The following NSMAF variants were observed in gnomAD, a reference collection of about 807,000 sequenced individuals.
NSMAF encodes neutral sphingomyelinase activation associated factor.
Under a neutral mutation model 134.9 loss-of-function variants are expected in NSMAF, and 90 were observed. The ratio of observed to expected loss-of-function variants is 0.67; its 90% confidence interval spans 0.56 to 0.79. NSMAF has a LOEUF of 0.79. NSMAF is among the 30% of genes least tolerant of loss of function. The pLI, the probability that NSMAF is intolerant of heterozygous loss-of-function variation, is 0.00. For synonymous variants in NSMAF, 358 were observed against 389.6 expected, an observed-to-expected ratio of 0.92 and a Z score of 0.96; for missense variants, 1,010 against 1,119.0, an observed-to-expected ratio of 0.90 and a Z score of 1.39.
intron 23 of NSMAF, among the ~76,000 whole-genome samples, chr8:58,593,363 A>G (rs1028100983): frequency 6.6e-6 from 1 of 152,264 alleles, no homozygotes; most frequent in Non-Finnish European, 1.5e-5. Flanking sequence ...GATCATAAAC[A>G]ATGATAACAG....
chr8:58,615,814 AAAGTAGAC>A (rs1257802122), intron 9 of NSMAF, among the ~76,000 whole-genome samples: 1 of 152,206 alleles, frequency 6.6e-6, no homozygotes, highest in East Asian at 1.9e-4. Flanking sequence ...GGAAATCATA[AAAGTAGAC>A]ATCAACTATA....
intron 12 of NSMAF, among the ~76,000 whole-genome samples, chr8:58,604,062 G>A (rs937188297): frequency 1.2e-4 from 19 of 152,168 alleles, no homozygotes; most frequent in African/African-American, 4.6e-4. Context: ...TCCTACAAGT[G>A]GATTTTCCAT....
intron 22 of NSMAF, chr8:58,594,571 A>T: frequency 2.4e-6 from 1 of 421,426 alleles, no homozygotes. Flanking sequence ...CAATTGGAAA[A>T]CTCTTCTCCT....
At chr8:58,624,869 GCTAT>G (rs1806882077) in intron 6 of NSMAF, among the ~76,000 whole-genome samples, 1 of 152,104 alleles carries the variant, frequency 6.6e-6, no homozygotes, top group South Asian at 2.1e-4. Flanking sequence ...TTATTGTGTT[GCTAT>G]CTATTTCTCC....
intron 12 of NSMAF, among the ~76,000 whole-genome samples, chr8:58,605,330 A>G (rs1317056563): frequency 6.6e-6 from 1 of 152,214 alleles, no homozygotes; most frequent in Non-Finnish European, 1.5e-5. Context: ...ACAATCAATG[A>G]TCACAAACAT....
At chr8:58,636,809 T>C (rs1423763844) in intron 2 of NSMAF, among the ~76,000 whole-genome samples, 1 of 152,208 alleles carries the variant, frequency 6.6e-6, no homozygotes, top group African/African-American at 2.4e-5. Context: ...ATTCTTCCAT[T>C]AGGCATTGAA....
intron 16 of NSMAF, chr8:58,601,056 T>A: frequency 2.6e-6 from 1 of 380,188 alleles, no homozygotes; most frequent in Admixed American, 4.2e-5. Context: ...AACTTTAAGA[T>A]TTAATATTAG....
intron 22 of NSMAF, 24 bp downstream of exon 22, chr8:58,595,536 G>C: frequency 6.6e-7 from 1 of 1,526,056 alleles, no homozygotes; most frequent in Non-Finnish European, 9.1e-7. Flanking sequence ...ATCAGCTGCT[G>C]AGAAGAAGCA....
In NSMAF at chr8:58,588,036, T is replaced by C. The variant is rs1365942850; in HGVS notation, c.2212-335A>G. ...AATGTTTTGGGAAGACCAAAAAGGA[T>C]GTTACCCCCAAAATAACTAAAAATA... On this transcript the variant is annotated intron_variant, in intron 26 of 30. Transcript: ENST00000038176. Among the ~76,000 whole-genome samples, 2 of 152,184 alleles carry C rather than the reference T, an allele frequency of 1.3e-5. 1 individual carries two copies. Among genetic ancestry groups the C allele is most frequent in the East Asian group, 3.9e-4 (2 of 5,190 alleles).
chr8:58,609,770 A>T (rs1806486367), intron 9 of NSMAF, 37 bp from the exon 10 acceptor site: 1 of 1,607,436 alleles, frequency 6.2e-7, no homozygotes, highest in East Asian at 2.2e-5. Flanking sequence ...AAGAAAAATC[A>T]GAAATTGATC....
In NSMAF at chr8:58,583,704, G is replaced by T; in HGVS notation, c.*402C>A. 4.2e-6 allele frequency: 1 copy of T among 238,388 alleles called. No homozygotes were observed. Among genetic ancestry groups the T allele is most frequent in the South Asian group, 4.9e-5 (1 of 20,278 alleles). 14.8% of individuals were successfully genotyped at this position (238,388 alleles called of 1,614,324 possible). ...GATGGGTGGCAATTGTGATAGATTA[G>T]GAAGACAAAACAGATTCAGAAGTAG... On this transcript the variant is annotated 3_prime_UTR_variant, in exon 31 of 31. Coordinates refer to ENST00000038176, the MANE Select transcript of NSMAF (RefSeq NM_003580.4).
intron 9 of NSMAF, among the ~76,000 whole-genome samples, chr8:58,610,613 G>C (rs1488748710): frequency 2.0e-5 from 3 of 152,206 alleles, no homozygotes; most frequent in Non-Finnish European, 4.4e-5. Context: ...AAGGAAAGAA[G>C]AGATCAACAG....
intron 2 of NSMAF, among the ~76,000 whole-genome samples, chr8:58,641,252 T>C (rs1807329162): frequency 6.6e-6 from 1 of 152,186 alleles, no homozygotes; most frequent in Admixed American, 6.5e-5. Flanking sequence ...AATTCTATAT[T>C]AAAAATCTAC....
At chr8:58,608,815 T>A (rs974143841) in intron 10 of NSMAF, among the ~76,000 whole-genome samples, 2 of 152,198 alleles carry the variant, frequency 1.3e-5, no homozygotes, top group Non-Finnish European at 2.9e-5. Context: ...TTTAGTGCCC[T>A]GTAATGACCA....
chr8:58,623,543 C>A (rs1334862838), intron 7 of NSMAF, 119 bp from the exon 8 acceptor site: 1 of 1,119,098 alleles, frequency 8.9e-7, no homozygotes, highest in South Asian at 1.4e-5. Flanking sequence ...TTCTGATATA[C>A]CTATGGCTTC....
At chr8:58,657,492 T>C (rs1354184357) in intron 1 of NSMAF, among the ~76,000 whole-genome samples, 1 of 152,234 alleles carries the variant, frequency 6.6e-6, no homozygotes. Context: ...TGCAAGGGGA[T>C]AAACCCGGAA....
At chr8:58,628,652 G>A (rs763458394) in intron 6 of NSMAF, among the ~76,000 whole-genome samples, 1 of 152,072 alleles carries the variant, frequency 6.6e-6, no homozygotes, top group African/African-American at 2.4e-5. Flanking sequence ...ACACTTTCAT[G>A]TTGGTGTTTA....
At chr8:58,598,482 G>C (rs1286713621) in intron 19 of NSMAF, among the ~76,000 whole-genome samples, 1 of 112,154 alleles carries the variant, frequency 8.9e-6, no homozygotes, top group South Asian at 3.0e-4. Context: ...GCAAGACTCT[G>C]TCTCAAACAA....
At chr8:58,593,692 G>A (rs1231422875) in intron 23 of NSMAF, among the ~76,000 whole-genome samples, 1 of 152,148 alleles carries the variant, frequency 6.6e-6, no homozygotes, top group Non-Finnish European at 1.5e-5. Flanking sequence ...GATGCTTTCT[G>A]CTTTACAGCT....
Sources: allele counts gnomAD v4.1 joint callset (sites outside exome capture counted in the v4.1 genomes callset), GRCh38; gene constraint gnomAD v4.1.1; transcripts MANE v1.5; gene names NCBI Gene and HGNC (gene_info 2026-07-23, HGNC 2026-07-21).